Variants in LSM4 observed in about 807,000 individuals in gnomAD.
LSM4 encodes U6 snRNA-associated Sm-like protein LSm4.
In LSM4, 15 loss-of-function variants were observed where a neutral mutation model predicts 22.3. That is an observed-to-expected ratio of 0.67 (90% CI 0.45 to 1.03). LSM4 has a LOEUF of 1.03. LSM4 is among the 50% of genes least tolerant of loss of function. The pLI, the probability that LSM4 is intolerant of heterozygous loss-of-function variation, is 0.00. For synonymous variants in LSM4, 90 were observed against 79.8 expected, an observed-to-expected ratio of 1.13 and a Z score of -0.68; for missense variants, 127 against 198.0, an observed-to-expected ratio of 0.64 and a Z score of 2.15.
In LSM4 at chr19:18,309,842, C is replaced by T. The variant is rs781537682; in HGVS notation, c.164G>A (p.Arg55Gln). ...CTSRDGDKFW[R>Q]MPECYIRGST... ...GCCGCGGATGTAGCACTCGGGCATCCGCCAGAACTTGTCCCCGTCCTGCGG... is the reference window on the plus strand; with the variant it reads ...GCCGCGGATGTAGCACTCGGGCATCTGCCAGAACTTGTCCCCGTCCTGCGG... Residue 55 changes from arginine (R) to glutamine (Q), a missense_variant, in exon 4 of 5, where the codon CGG becomes CAG. By Grantham distance (43) the Arg-to-Gln change is conservative. Coordinates refer to ENST00000593829, the MANE Select transcript of LSM4 (RefSeq NM_012321.5). 3.7e-6 allele frequency: 6 copies of T among 1,613,620 alleles called. No individual in the cohort carries two copies. Among genetic ancestry groups the T allele is most frequent in the Admixed American group, 1.7e-5 (1 of 59,894 alleles).
Position 18,315,532 on chromosome 19 carries a change from C to T in LSM4, c.45+492G>A, listed in dbSNP as rs2148142745. On this transcript the variant is annotated intron_variant, in intron 2 of 4. Transcript: ENST00000593829. ...TTTGAACTCCTGGGCTCAAGTGATCCTTCCACCTCATTAATTTTCTTTTTC... is the reference window on the plus strand; with the variant it reads ...TTTGAACTCCTGGGCTCAAGTGATCTTTCCACCTCATTAATTTTCTTTTTC... Among the ~76,000 whole-genome samples the T allele has an allele frequency of 2.6e-5, 4 of 152,102 alleles. No homozygotes were observed. The Middle Eastern group carries it at 0.014, about 521-fold the overall frequency.
At chr19:18,315,965 C>T in intron 2 of LSM4, 59 bp downstream of exon 2, 3 of 1,554,374 alleles carry the variant, frequency 1.9e-6, no homozygotes, top group Non-Finnish European at 2.7e-6. Context: ...TCAGCCACCG[C>T]CCCTGTGCTG....
chr19:18,308,714 G>A (rs962415763), intron 4 of LSM4, among the ~76,000 whole-genome samples: 17 of 152,206 alleles, frequency 1.1e-4, no homozygotes, highest in Admixed American at 7.8e-4. Flanking sequence ...CAGATTCAGA[G>A]GATCTAAGAG....
At chr19:18,318,106 TG>T (rs1241684021) in intron 1 of LSM4, among the ~76,000 whole-genome samples, 1 of 152,172 alleles carries the variant, frequency 6.6e-6, no homozygotes, top group Non-Finnish European at 1.5e-5. Context: ...TCCTGGTGAC[TG>T]GAATTCCAGG....
intron 4 of LSM4, among the ~76,000 whole-genome samples, chr19:18,307,960 T>G (rs1443236124): frequency 1.3e-5 from 2 of 150,158 alleles, no homozygotes; most frequent in African/African-American, 4.9e-5. Context: ...GGGGGGGGCC[T>G]CCTATGCGCC....
chr19:18,321,006 T>C (rs1470160391), intron 1 of LSM4, among the ~76,000 whole-genome samples: 1 of 152,168 alleles, frequency 6.6e-6, no homozygotes, highest in Admixed American at 6.5e-5. Context: ...TGTCCAGGAC[T>C]GCCCATCCCC....
chr19:18,307,746 G>A (rs919453747), intron 4 of LSM4, among the ~76,000 whole-genome samples, 191 bp from the exon 5 acceptor site: 7 of 151,652 alleles, frequency 4.6e-5, no homozygotes, highest in African/African-American at 1.5e-4. Flanking sequence ...GGAACTCCAG[G>A]GCATCCTCAT....
Position 18,312,566 on chromosome 19 carries a change from C to T in LSM4, c.144+38G>A, listed in dbSNP as rs1041488531. On this transcript the variant is annotated intron_variant, in intron 3 of 4. Transcript: ENST00000593829. Reference sequence around the variant, plus strand: ...GGAGGGAGGAGGCTGAGTGTGCACCCCCTGCATCCCACCCCCGTTGGTGGG... The same window carrying T: ...GGAGGGAGGAGGCTGAGTGTGCACCTCCTGCATCCCACCCCCGTTGGTGGG... 3.2e-6 allele frequency: 5 copies of T among 1,555,180 alleles called. No homozygotes were observed. The East Asian group carries it at 9.0e-5, about 28-fold the overall frequency.
intron 1 of LSM4, among the ~76,000 whole-genome samples, chr19:18,317,412 A>G (rs1970368396): frequency 6.7e-6 from 1 of 149,592 alleles, no homozygotes; most frequent in Non-Finnish European, 1.5e-5. Flanking sequence ...GGCTTACTAC[A>G]AGCTCCGCCT....
At chr19:18,321,929 T>C (rs1433623869) in intron 1 of LSM4, among the ~76,000 whole-genome samples, 4 of 152,128 alleles carry the variant, frequency 2.6e-5, no homozygotes, top group African/African-American at 9.7e-5. Context: ...AAATTATCTT[T>C]CAAAACTCGG....
At position 18,306,290 on chromosome 19, in the gene LSM4, C is replaced by A. The variant is rs79350814; in HGVS notation, c.*1174G>T. 4 of 152,214 alleles carry A rather than the reference C, an allele frequency of 2.6e-5. No homozygotes were observed. Among genetic ancestry groups the A allele is most frequent in the African/African-American group, 4.8e-5 (2 of 41,454 alleles). The allele number at this position is 152,214 out of a possible 1,614,324, so 9.4% of individuals were successfully genotyped here. On this transcript the variant is annotated 3_prime_UTR_variant, in exon 5 of 5. Coordinates refer to ENST00000593829, the MANE Select transcript of LSM4 (RefSeq NM_012321.5). ...TCACCTCTCAAAATAGGTCTCCGAA[C>A]GAGGACCCTGAAGAGAAGGCTATGC...
chr19:18,307,691 G>T, intron 4 of LSM4, 136 bp from the exon 5 acceptor site: 1 of 596,438 alleles, frequency 1.7e-6, no homozygotes, highest in South Asian at 2.7e-5. Flanking sequence ...TGGTGACTGA[G>T]GGTGCTTGGA....
At chr19:18,314,853 T>C (rs905308803) in intron 2 of LSM4, among the ~76,000 whole-genome samples, 3 of 151,972 alleles carry the variant, frequency 2.0e-5, no homozygotes, top group African/African-American at 7.2e-5. Context: ...TGCCACTAAA[T>C]TGTGCACTTT....
At chr19:18,311,796 G>C (rs1472688866) in intron 3 of LSM4, among the ~76,000 whole-genome samples, 1 of 152,162 alleles carries the variant, frequency 6.6e-6, no homozygotes, top group Admixed American at 6.5e-5. Context: ...AGTCCCGGGT[G>C]GGGGTGGCGG....
chr19:18,316,120 C>G (rs1339081317), intron 1 of LSM4, 55 bp from the exon 2 acceptor site: 1 of 1,581,768 alleles, frequency 6.3e-7, no homozygotes. Context: ...CCTGGGAGCT[C>G]TGGTCTTGAG....
Position 18,307,440 on chromosome 19 carries a change from G to A in LSM4, c.*24C>T, listed in dbSNP as rs372022368. ...AATCGCCACCCTGGCAGGAGGGGGC[G>A]CAGCAGCCGGTCTGGGTGGGCGCTC... On this transcript the variant is annotated 3_prime_UTR_variant, in exon 5 of 5. Coordinates refer to ENST00000593829, the MANE Select transcript of LSM4 (RefSeq NM_012321.5). The A allele has an allele frequency of 2.1e-5, 32 of 1,493,574 alleles. No individual in the cohort carries two copies. Among genetic ancestry groups the A allele is most frequent in the African/African-American group, 1.7e-4 (12 of 70,760 alleles). 92.5% of individuals were successfully genotyped at this position (1,493,574 alleles called of 1,614,324 possible).
intron 1 of LSM4, among the ~76,000 whole-genome samples, chr19:18,317,133 G>T (rs1296414502): frequency 6.6e-6 from 1 of 151,730 alleles, no homozygotes; most frequent in Admixed American, 6.6e-5. Context: ...TGATCCTCCC[G>T]CCTCAGCCTC....
At chr19:18,314,911 G>A (rs1015822365) in intron 2 of LSM4, among the ~76,000 whole-genome samples, 8 of 151,340 alleles carry the variant, frequency 5.3e-5, no homozygotes, top group African/African-American at 1.9e-4. Flanking sequence ...TTGAGATGGA[G>A]TCTCGCTCTG....
intron 2 of LSM4, among the ~76,000 whole-genome samples, chr19:18,314,639 G>A (rs538553413): frequency 1.3e-5 from 2 of 152,308 alleles, no homozygotes; most frequent in African/African-American, 4.8e-5. Context: ...ACAACCACCA[G>A]GCTCGAAAGG....
Sources: gnomAD v4.1 joint callset for allele counts (sites outside exome capture counted in the v4.1 genomes callset) on GRCh38, gnomAD v4.1.1 for gene constraint, MANE v1.5 for transcripts, NCBI Gene and HGNC (gene_info 2026-07-23, HGNC 2026-07-21) for gene names.